The following KCNB2 variants were observed in gnomAD, a reference collection of about 807,000 sequenced individuals.
KCNB2 encodes delayed rectifier potassium channel protein.
In KCNB2, 15 loss-of-function variants were observed where a neutral mutation model predicts 61.5. That is an observed-to-expected ratio of 0.24 (90% CI 0.16 to 0.38). The LOEUF (loss-of-function observed/expected upper bound fraction) is 0.38, where lower values mean the gene tolerates loss of function less well. Ranked by LOEUF, KCNB2 falls within the 10% of genes least tolerant of loss-of-function variation. KCNB2 has a pLI of 1.00. For missense variants in KCNB2, 828 were observed against 1,125.2 expected (o/e 0.74, Z 3.78); for synonymous variants, 457 against 446.0 (o/e 1.02, Z -0.31).
At chr8:72,748,606 T>G (rs1318311953) in intron 2 of KCNB2, among the ~76,000 whole-genome samples, 3 of 119,366 alleles carry the variant, frequency 2.5e-5, no homozygotes, top group Admixed American at 8.7e-5. Flanking sequence ...TGGTTTTTTT[T>G]TTGTTGTTTT....
chr8:72,845,696 G>T (rs1394352696), intron 2 of KCNB2, among the ~76,000 whole-genome samples: 1 of 152,234 alleles, frequency 6.6e-6, no homozygotes, highest in Admixed American at 6.5e-5. Context: ...GCTGCAGTGG[G>T]CTTCGCCCGG....
At chr8:72,781,504 AAAGAT>A (rs1010584694) in intron 2 of KCNB2, among the ~76,000 whole-genome samples, 4 of 152,278 alleles carry the variant, frequency 2.6e-5, no homozygotes, top group Non-Finnish European at 4.4e-5. Flanking sequence ...CAGTTTTGTC[AAAGAT>A]AAGATAGTTG....
rs562725931 is a variant in KCNB2 at position 72,562,866 on chromosome 8, A to G, written c.-93-4776A>G. On this transcript the variant is annotated intron_variant, in intron 1 of 2. Transcript: ENST00000523207. ...ATATACACTTTAATTACGGAAATTA[A>G]AAACATAAATTTTGTGAACACTCTA... Among the ~76,000 whole-genome samples the G allele has an allele frequency of 2.7e-4, 41 of 152,368 alleles. No individual in the cohort carries two copies. In the South Asian group the frequency reaches 4.6e-3, roughly 17 times the overall value.
chr8:72,897,016 A>G (rs2129006321), intron 2 of KCNB2, among the ~76,000 whole-genome samples: 1 of 152,246 alleles, frequency 6.6e-6, no homozygotes, highest in South Asian at 2.1e-4. Context: ...GTGCTTGCAA[A>G]TGCATAGACT....
chr8:72,927,431 T>G (rs778715785), intron 2 of KCNB2, among the ~76,000 whole-genome samples: 3 of 152,078 alleles, frequency 2.0e-5, no homozygotes, highest in Non-Finnish European at 4.4e-5. Flanking sequence ...CCACAATGCC[T>G]GGCTAATTTT....
chr8:72,552,031 G>A (rs1222487184), intron 1 of KCNB2, among the ~76,000 whole-genome samples: 4 of 152,060 alleles, frequency 2.6e-5, no homozygotes, highest in Non-Finnish European at 4.4e-5. Flanking sequence ...ATGATGAAGC[G>A]CCAAACCATG....
intron 2 of KCNB2, among the ~76,000 whole-genome samples, chr8:72,807,710 T>C (rs1041729924): frequency 3.9e-5 from 6 of 152,146 alleles, no homozygotes; most frequent in African/African-American, 1.4e-4. Context: ...GGGCAGGGGA[T>C]AGCCAGCTAC....
At chr8:72,547,046 C>A (rs1333400507) in intron 1 of KCNB2, among the ~76,000 whole-genome samples, 1 of 152,150 alleles carries the variant, frequency 6.6e-6, no homozygotes, top group Admixed American at 6.5e-5. Flanking sequence ...TTCTGAGAAT[C>A]CTAGGGTCCT....
intron 2 of KCNB2, among the ~76,000 whole-genome samples, chr8:72,873,240 G>A (rs764763999): frequency 7.9e-5 from 12 of 152,176 alleles, no homozygotes; most frequent in African/African-American, 1.7e-4. Context: ...CTCTTGTGCC[G>A]CAGAGAGGAG....
intron 2 of KCNB2, among the ~76,000 whole-genome samples, chr8:72,857,108 C>T (rs1441999119): frequency 6.6e-6 from 1 of 152,156 alleles, no homozygotes; most frequent in Non-Finnish European, 1.5e-5. Flanking sequence ...ATTTATTGAG[C>T]ATTTATTATA....
chr8:72,656,213 A>G (rs1296786711), intron 2 of KCNB2, among the ~76,000 whole-genome samples: 1 of 152,086 alleles, frequency 6.6e-6, no homozygotes, highest in Non-Finnish European at 1.5e-5. Context: ...TCATTTTTTC[A>G]ATGATATTTT....
chr8:72,629,799 A>C (rs1300249268), intron 2 of KCNB2, among the ~76,000 whole-genome samples: 1 of 152,210 alleles, frequency 6.6e-6, no homozygotes, highest in Non-Finnish European at 1.5e-5. Flanking sequence ...AGTGAGCATG[A>C]AACAGAGCCA....
intron 2 of KCNB2, among the ~76,000 whole-genome samples, chr8:72,919,876 A>G (rs1013348540): frequency 2.6e-5 from 4 of 152,200 alleles, no homozygotes; most frequent in Non-Finnish European, 5.9e-5. Flanking sequence ...ATATGTCTTC[A>G]TCTATGAAGA....
chr8:72,629,333 G>T (rs1178140889), intron 2 of KCNB2, among the ~76,000 whole-genome samples: 1 of 152,158 alleles, frequency 6.6e-6, no homozygotes, highest in Admixed American at 6.6e-5. Flanking sequence ...CATCAGTCAG[G>T]TAAGCTCGCC....
At chr8:72,623,558 T>C (rs1427973551) in intron 2 of KCNB2, among the ~76,000 whole-genome samples, 1 of 152,192 alleles carries the variant, frequency 6.6e-6, no homozygotes, top group African/African-American at 2.4e-5. Flanking sequence ...AAAAAGGTTT[T>C]ACAAATAGAA....
intron 2 of KCNB2, among the ~76,000 whole-genome samples, chr8:72,775,903 A>G (rs929193404): frequency 2.0e-5 from 3 of 152,186 alleles, no homozygotes; most frequent in Non-Finnish European, 4.4e-5. Flanking sequence ...ATTACTGGGT[A>G]TATACCCAAA....
intron 2 of KCNB2, among the ~76,000 whole-genome samples, chr8:72,844,533 T>C (rs1473785384): frequency 1.3e-5 from 2 of 152,230 alleles, no homozygotes; most frequent in East Asian, 3.9e-4. Context: ...TGAAGAGTGT[T>C]TTCCAACTTG....
At chr8:72,790,064 G>C (rs1215442135) in intron 2 of KCNB2, among the ~76,000 whole-genome samples, 1 of 152,140 alleles carries the variant, frequency 6.6e-6, no homozygotes, top group East Asian at 1.9e-4. Flanking sequence ...TGGGTTCAGA[G>C]TGGATGAAAG....
chr8:72,855,597 GC>G (rs1464618101), intron 2 of KCNB2, among the ~76,000 whole-genome samples: 1 of 152,022 alleles, frequency 6.6e-6, no homozygotes, highest in African/African-American at 2.4e-5. Flanking sequence ...TCGATCAATA[GC>G]CCCCACTAAA....
Sources: gnomAD v4.1 joint callset for allele counts (sites outside exome capture counted in the v4.1 genomes callset) on GRCh38, gnomAD v4.1.1 for gene constraint, MANE v1.5 for transcripts, NCBI Gene and HGNC (gene_info 2026-07-23, HGNC 2026-07-21) for gene names.